TUBA4B: variants seen among roughly 807,000 people sequenced by gnomAD.
The protein encoded by TUBA4B is tubulin-like protein alpha-4B.
A neutral mutation model predicts 18.4 loss-of-function variants in TUBA4B; 13 were observed. The ratio of observed to expected loss-of-function variants is 0.71; its 90% CI spans 0.46 to 1.12. The LOEUF (loss-of-function observed/expected upper bound fraction) is 1.12. Among genes scored for constraint, TUBA4B ranks in the 50% most tolerant of loss-of-function variants. The pLI, the probability that TUBA4B is intolerant of heterozygous loss-of-function variation, is 0.00. For missense variants in TUBA4B, 244 were observed against 250.0 expected, an observed-to-expected ratio of 0.98 and a Z score of 0.16; for synonymous variants, 101 against 99.1, an observed-to-expected ratio of 1.02 and a Z score of -0.11.
chr2:219,260,305 T>C (rs1465979527), intron 1 of TUBA4B, among the ~76,000 whole-genome samples: 1 of 152,182 alleles, frequency 6.6e-6, no homozygotes, highest in African/African-American at 2.4e-5. Context: ...TTAATAATAT[T>C]CATCATAAAA....
intron 1 of TUBA4B, among the ~76,000 whole-genome samples, chr2:219,260,387 A>G (rs1279842148): frequency 2.0e-5 from 3 of 152,256 alleles, no homozygotes; most frequent in African/African-American, 7.2e-5. Flanking sequence ...TTTTAAAACT[A>G]GAGTATATAC....
At chr2:219,261,576 G>A (rs1217436678) in intron 1 of TUBA4B, among the ~76,000 whole-genome samples, 2 of 152,166 alleles carry the variant, frequency 1.3e-5, no homozygotes, top group African/African-American at 4.8e-5. Flanking sequence ...GGCAGGCAAG[G>A]CTGTTGAGAA....
chr2:219,256,505 ACC>A (rs759082831), intron 1 of TUBA4B, among the ~76,000 whole-genome samples: 14 of 152,218 alleles, frequency 9.2e-5, no homozygotes, highest in Non-Finnish European at 1.9e-4. Flanking sequence ...GAAGAATGCT[ACC>A]CCATAAAGAT....
rs1197680992 is a variant in TUBA4B at position 219,270,312 on chromosome 2, C to A, written c.169C>A (p.Leu57Ile). 1 of 748,410 alleles carries A rather than the reference C, an allele frequency of 1.3e-6. No individual in the cohort carries two copies. The allele number at this position is 748,410 out of a possible 1,614,324, so 46.4% of individuals were successfully genotyped here. A position where few individuals can be genotyped will look rare whatever the true frequency, so the allele number is the denominator to read the frequency against. Residue 57 changes from leucine (L) to isoleucine (I), a missense_variant, in exon 3 of 4, where the codon CTA becomes ATA. Leu to Ile is a conservative substitution (Grantham distance 5). Coordinates refer to ENST00000490341, the MANE Select transcript of TUBA4B (RefSeq NM_001355221.1). ...YTIGKEFIDL[L>I]LDRIRKLADQ... ...CATTGGGAAGGAGTTCATCGACCTG[C>A]TACTGGACCGGATTCGGAAGCTGGT...
intron 1 of TUBA4B, among the ~76,000 whole-genome samples, chr2:219,260,550 T>C (rs934875688): frequency 6.6e-6 from 1 of 152,164 alleles, no homozygotes. Flanking sequence ...TGAAAGCCCA[T>C]GAGACATCTC....
In TUBA4B at chr2:219,253,376, A is replaced by T. The variant is rs1383886208; in HGVS notation, c.-32A>T. 6.5e-7 allele frequency: 1 copy of T among 1,532,696 alleles called. No individual in the cohort carries two copies. Among genetic ancestry groups the T allele is most frequent in the Non-Finnish European group, 8.7e-7 (1 of 1,145,882 alleles). The allele number at this position is 1,532,696 out of a possible 1,614,324, so 94.9% of individuals were successfully genotyped here. On this transcript the variant is annotated 5_prime_UTR_variant, in exon 1 of 4. Transcript: ENST00000490341. ...TCACGGGGGGGGGGTGGTTCTGTGG[A>T]TAGTTGGAATGCATACACAGAGGAA...
intron 3 of TUBA4B, among the ~76,000 whole-genome samples, chr2:219,270,898 C>A (rs559156728): frequency 6.6e-6 from 1 of 151,344 alleles, no homozygotes; most frequent in East Asian, 2.0e-4. Context: ...TCAGCCTAGA[C>A]AGCCAACTCC....
At chr2:219,255,623 A>G (rs559401697) in intron 1 of TUBA4B, among the ~76,000 whole-genome samples, 3 of 151,448 alleles carry the variant, frequency 2.0e-5, no homozygotes, top group East Asian at 1.9e-4. Flanking sequence ...ACCCGCCTCA[A>G]CCTCCCAAAG....
Position 219,272,140 on chromosome 2 carries a change from A to C in TUBA4B, c.*441A>C. The C allele has an allele frequency of 1.5e-6, 1 of 666,544 alleles. No individual in the cohort carries two copies. Among genetic ancestry groups the C allele is most frequent in the Non-Finnish European group, 2.7e-6 (1 of 368,224 alleles). The allele number at this position is 666,544 out of a possible 1,614,324, so 41.3% of individuals were successfully genotyped here. On this transcript the variant is annotated 3_prime_UTR_variant, in exon 4 of 4. Coordinates refer to ENST00000490341, the MANE Select transcript of TUBA4B (RefSeq NM_001355221.1). ...GGGGAAGAAAAGATAGGGGGGATGA[A>C]TACTAGGGGAATACTGTGTGTCTGT...
chr2:219,253,362 G>GT lies in TUBA4B; in HGVS notation c.-46_-45insT, dbSNP rs1553571383. 1 of 1,534,442 alleles carries GT rather than the reference G, an allele frequency of 6.5e-7. No homozygotes were observed. Among genetic ancestry groups the GT allele is most frequent in the African/African-American group, 1.4e-5 (1 of 72,558 alleles). ...CGCGGGGTGCTGAGTCACGGGGGGGGGGTGGTTCTGTGGATAGTTGGAATG... is the reference window on the plus strand; with the variant it reads ...CGCGGGGTGCTGAGTCACGGGGGGGGTGGTGGTTCTGTGGATAGTTGGAATG... On this transcript the variant is annotated 5_prime_UTR_variant, in exon 1 of 4. Coordinates refer to ENST00000490341, the MANE Select transcript of TUBA4B (RefSeq NM_001355221.1).
At chr2:219,260,172 C>T (rs903418343) in intron 1 of TUBA4B, among the ~76,000 whole-genome samples, 12 of 152,116 alleles carry the variant, frequency 7.9e-5, no homozygotes, top group African/African-American at 2.7e-4. Context: ...TGATGTTCCC[C>T]ATAGCCCAGT....
chr2:219,260,072 T>A (rs920594585), intron 1 of TUBA4B, among the ~76,000 whole-genome samples: 6 of 152,188 alleles, frequency 3.9e-5, no homozygotes, highest in Non-Finnish European at 8.8e-5. Flanking sequence ...CTTCTTGAAA[T>A]TCTTTTTTGT....
In TUBA4B at chr2:219,271,661, T is replaced by G; in HGVS notation, c.688T>G (p.Leu230Val). The change falls in exon 4 of 4, where the codon TTA becomes GTA. Residue 230 changes from leucine to valine, a missense_variant. By Grantham distance (32) the Leu-to-Val change is conservative. Transcript: ENST00000490341. ...YTTSSCWWQR[L>V]PMPALSLPTR... ...CACGAGCAGCTGTTGGTGGCAGAGATTACCAATGCCTGCTTTGAGCCTGCC... is the reference window on the plus strand; with the variant it reads ...CACGAGCAGCTGTTGGTGGCAGAGAGTACCAATGCCTGCTTTGAGCCTGCC... 1 of 1,613,772 alleles carries G rather than the reference T, an allele frequency of 6.2e-7. No individual in the cohort carries two copies. The highest frequency in any genetic ancestry group is 8.5e-7 in the Non-Finnish European group (1 of 1,179,692).
At chr2:219,263,412 G>A (rs941845289) in intron 1 of TUBA4B, among the ~76,000 whole-genome samples, 1 of 152,218 alleles carries the variant, frequency 6.6e-6, no homozygotes, top group Admixed American at 6.5e-5. Context: ...AGAATTGCCT[G>A]AACCCAGGAG....
intron 1 of TUBA4B, among the ~76,000 whole-genome samples, chr2:219,255,066 T>C (rs1472910961): frequency 3.3e-5 from 5 of 150,428 alleles, no homozygotes; most frequent in Admixed American, 1.3e-4. Flanking sequence ...CTCTCTCTCT[T>C]TTGAGTCAGT....
At chr2:219,268,284 G>C (rs541159240) in intron 2 of TUBA4B, among the ~76,000 whole-genome samples, 36 of 151,868 alleles carry the variant, frequency 2.4e-4, no homozygotes, top group South Asian at 4.2e-4. Flanking sequence ...TAGTGGAGAG[G>C]GGGTTTCACC....
intron 1 of TUBA4B, 28 bp downstream of exon 1, chr2:219,253,447 G>T (rs1951682501): frequency 6.8e-7 from 1 of 1,472,824 alleles, no homozygotes; most frequent in East Asian, 2.5e-5. Context: ...ACCTTCTAGC[G>T]CCAAGCACGT....
At chr2:219,266,457 A>G (rs1248476659) in intron 1 of TUBA4B, 64 bp from the exon 2 acceptor site, 4 of 679,992 alleles carry the variant, frequency 5.9e-6, no homozygotes, top group African/African-American at 5.3e-5. Context: ...CAGCGAGTAT[A>G]AGGAGGAGGC....
intron 2 of TUBA4B, among the ~76,000 whole-genome samples, chr2:219,268,468 T>C (rs1372988522): frequency 1.3e-5 from 2 of 152,182 alleles, no homozygotes; most frequent in Admixed American, 1.3e-4. Flanking sequence ...CCAACATGCA[T>C]GGCACACCCT....
Sources: gnomAD v4.1 joint callset for allele counts (sites outside exome capture counted in the v4.1 genomes callset) on GRCh38, gnomAD v4.1.1 for gene constraint, MANE v1.5 for transcripts, NCBI Gene and HGNC (gene_info 2026-07-23, HGNC 2026-07-21) for gene names.